Variants in CFAP100 observed in about 807,000 individuals in gnomAD.
CFAP100 encodes the protein cilia- and flagella-associated protein 100.
In CFAP100, 70 loss-of-function variants were observed where a neutral mutation model predicts 81.5. That is an observed-to-expected ratio of 0.86 (90% CI 0.71 to 1.05). The LOEUF is 1.05. Ranked by LOEUF, CFAP100 falls within the 50% of genes least tolerant of loss-of-function variation. CFAP100 has a pLI of 0.00. For synonymous variants in CFAP100, 341 were observed against 314.8 expected (o/e 1.08, Z -0.88); for missense variants, 811 against 776.5 (o/e 1.04, Z -0.53).
At chr3:126,418,817 C>T (rs752250915) in intron 7 of CFAP100, 43 bp downstream of exon 7, 42 of 1,529,158 alleles carry the variant, frequency 2.7e-5, no homozygotes, top group Non-Finnish European at 3.7e-5. Flanking sequence ...AATGCCGAAC[C>T]CCCACTGTCC....
intron 3 of CFAP100, among the ~76,000 whole-genome samples, chr3:126,410,140 G>C (rs1323401453): frequency 1.3e-5 from 2 of 152,200 alleles, no homozygotes; most frequent in African/African-American, 4.8e-5. Flanking sequence ...GACGGAGGTT[G>C]CAGTGAGCCA....
At chr3:126,431,298 A>G (rs1030559224) in intron 13 of CFAP100, among the ~76,000 whole-genome samples, 3 of 152,192 alleles carry the variant, frequency 2.0e-5, no homozygotes, top group Non-Finnish European at 2.9e-5. Context: ...TGATCCATCC[A>G]TGACAGTTAC....
chr3:126,429,317 T>C (rs574137594), intron 13 of CFAP100, among the ~76,000 whole-genome samples: 2 of 152,258 alleles, frequency 1.3e-5, no homozygotes, highest in East Asian at 1.9e-4. Flanking sequence ...TAGGAAGTTA[T>C]CCATTGTTTT....
chr3:126,430,360 GAAT>G (rs1933163026), intron 13 of CFAP100, among the ~76,000 whole-genome samples: 1 of 152,168 alleles, frequency 6.6e-6, no homozygotes, highest in African/African-American at 2.4e-5. Context: ...AGCTAGAAGA[GAAT>G]AATTTGAATG....
intron 13 of CFAP100, among the ~76,000 whole-genome samples, chr3:126,430,150 CTTATTTGGGAATCTT>C (rs1333779087): frequency 2.0e-5 from 3 of 152,134 alleles, no homozygotes; most frequent in Non-Finnish European, 4.4e-5. Flanking sequence ...TTAGCTTCTA[CTTATTTGGGAATCTT>C]TAGACTTCAT....
intron 2 of CFAP100, among the ~76,000 whole-genome samples, chr3:126,406,751 T>TG (rs2083069768): frequency 6.6e-6 from 1 of 151,664 alleles, no homozygotes; most frequent in Non-Finnish European, 1.5e-5. Flanking sequence ...CCTGAGGAGG[T>TG]GGGGTCTTAG....
At chr3:126,395,590 C>T (rs1466990797) in intron 1 of CFAP100, among the ~76,000 whole-genome samples, 1 of 152,056 alleles carries the variant, frequency 6.6e-6, no homozygotes, top group Non-Finnish European at 1.5e-5. Context: ...AGGAAGAAAC[C>T]ACTTTGGATG....
chr3:126,395,914 C>A, intron 1 of CFAP100, 28 bp from the exon 2 acceptor site: 1 of 1,179,140 alleles, frequency 8.5e-7, no homozygotes. Context: ...TGGGGACCAC[C>A]AGGCTCAAGC....
intron 7 of CFAP100, 111 bp from the exon 8 acceptor site, chr3:126,418,965 T>A: frequency 1.0e-6 from 1 of 986,242 alleles, no homozygotes; most frequent in Non-Finnish European, 1.5e-6. Context: ...TCCAGCCCTG[T>A]CCGGAGCCGG....
At chr3:126,418,917 A>AG in intron 7 of CFAP100, 143 bp downstream of exon 7, 1 of 1,125,114 alleles carries the variant, frequency 8.9e-7, no homozygotes, top group Non-Finnish European at 1.3e-6. Flanking sequence ...AGCCAAGGGC[A>AG]GGGGACACTA....
intron 13 of CFAP100, among the ~76,000 whole-genome samples, chr3:126,427,224 G>C (rs1932984605): frequency 6.6e-6 from 1 of 152,146 alleles, no homozygotes; most frequent in African/African-American, 2.4e-5. Flanking sequence ...AAGAAAACTG[G>C]GTGACTGACA....
At chr3:126,433,905 A>G (rs1178350227) in intron 14 of CFAP100, 3 of 462,398 alleles carry the variant, frequency 6.5e-6, no homozygotes, top group Non-Finnish European at 1.2e-5. Flanking sequence ...TCCCTGGAGG[A>G]GGGGACTGGG....
chr3:126,418,602 G>A lies in CFAP100; in HGVS notation c.487-9G>A, dbSNP rs2083278752. ...CCAGGCACCATGACCCCACTCTGCTGGCCCCCAGTATGCCCTGGATGTCAA... is the reference window on the plus strand; with the variant it reads ...CCAGGCACCATGACCCCACTCTGCTAGCCCCCAGTATGCCCTGGATGTCAA... On this transcript the variant is annotated splice_polypyrimidine_tract_variant and intron_variant, in intron 6 of 16. Coordinates refer to ENST00000352312, the MANE Select transcript of CFAP100 (RefSeq NM_182628.3). 6.2e-7 allele frequency: 1 copy of A among 1,610,502 alleles called. No homozygotes were observed. Among genetic ancestry groups the A allele is most frequent in the South Asian group, 1.1e-5 (1 of 90,726 alleles).
At position 126,423,512 on chromosome 3, in the gene CFAP100, C is replaced by T. The variant is rs769879632; in HGVS notation, c.1154C>T (p.Thr385Met). 9.3e-6 allele frequency: 15 copies of T among 1,613,958 alleles called. No individual in the cohort carries two copies. The highest frequency in any genetic ancestry group is 2.2e-5 in the East Asian group (1 of 44,868). The change falls in exon 13 of 17, where the codon ACG (threonine) becomes ATG (methionine). Residue 385 changes from threonine (T) to methionine (M), a missense_variant. By Grantham distance (81) the Thr-to-Met change is moderately conservative. Transcript: ENST00000352312. ...SDGEEPQLYF[T>M]EPQQLLDVFR... ...TTGCAGGAACCACAGCTGTACTTCA[C>T]GGAGCCCCAGCAGCTCCTGGATGTC...
intron 4 of CFAP100, 160 bp downstream of exon 4, chr3:126,414,339 C>T (rs1166186598): frequency 1.4e-6 from 1 of 723,812 alleles, no homozygotes; most frequent in East Asian, 2.6e-5. Flanking sequence ...CAGCTGGAAA[C>T]CTTACCTGGC....
Position 126,418,889 on chromosome 3 carries a change from G to T in CFAP100, c.650+115G>T, listed in dbSNP as rs1456233248. 4.5e-6 allele frequency: 6 copies of T among 1,323,084 alleles called. No individual in the cohort carries two copies. In the East Asian group the frequency reaches 7.6e-5, roughly 17 times the overall value. The allele number at this position is 1,323,084 out of a possible 1,614,324, so 82.0% of individuals were successfully genotyped here. On this transcript the variant is annotated intron_variant, in intron 7 of 16. Transcript: ENST00000352312. ...CCCAGCCCCTGCAACTCCTCTGGAA[G>T]CACCAGGGCCGGTCGGGAGCCAAGG...
rs1933288277 is a variant in CFAP100 at position 126,432,926 on chromosome 3, G to A, written c.1287-143G>A. 5.6e-6 allele frequency: 4 copies of A among 717,506 alleles called. No individual in the cohort carries two copies. In the Admixed American group the frequency reaches 1.0e-4, roughly 19 times the overall value. 44.4% of individuals were successfully genotyped at this position (717,506 alleles called of 1,614,324 possible). A position where few individuals can be genotyped will look rare whatever the true frequency, so the allele number is the denominator to read the frequency against. Reference sequence around the variant, plus strand: ...TCTACCAGCATTTCTGACCCCCTGGGCATGCAGAGACTTGGCACCCATGAT... The same window carrying A: ...TCTACCAGCATTTCTGACCCCCTGGACATGCAGAGACTTGGCACCCATGAT... On this transcript the variant is annotated intron_variant, in intron 13 of 16. Transcript: ENST00000352312.
At chr3:126,403,580 A>C (rs1277872581) in intron 2 of CFAP100, among the ~76,000 whole-genome samples, 6 of 151,872 alleles carry the variant, frequency 4.0e-5, no homozygotes, top group African/African-American at 7.3e-5. Context: ...ACAGGGTTTC[A>C]CCATATTGGC....
Position 126,429,107 on chromosome 3 carries a change from C to CAA in CFAP100, c.1287-3936_1287-3935dup, listed in dbSNP as rs57773311. Among the ~76,000 whole-genome samples the CAA allele has an allele frequency of 4.5e-4, 43 of 95,746 alleles. 1 individual carries two copies. Among genetic ancestry groups the CAA allele is most frequent in the South Asian group, 8.8e-4 (2 of 2,260 alleles). 62.8% of individuals were successfully genotyped at this position (95,746 alleles called of 152,430 possible). Reference sequence around the variant, plus strand: ...CTGGGTGATAGAGTGCGTCTCCATCCAAAAAAAAAAAAAAAAAAAAAAAAA... The same window carrying CAA: ...CTGGGTGATAGAGTGCGTCTCCATCCAAAAAAAAAAAAAAAAAAAAAAAAAAA... On this transcript the variant is annotated intron_variant, in intron 13 of 16. Coordinates refer to ENST00000352312, the MANE Select transcript of CFAP100 (RefSeq NM_182628.3).
Sources: gnomAD v4.1 joint callset for allele counts (sites outside exome capture counted in the v4.1 genomes callset) on GRCh38, gnomAD v4.1.1 for gene constraint, MANE v1.5 for transcripts, NCBI Gene and HGNC (gene_info 2026-07-23, HGNC 2026-07-21) for gene names.